The following KIRREL3 variants were observed in gnomAD, a reference collection of about 807,000 sequenced individuals.
The protein encoded by KIRREL3 is kin of IRRE-like protein 3.
KIRREL3 carries 36 observed loss-of-function variants against 89.7 expected under a neutral mutation model. The observed-to-expected ratio is 0.40, with a 90% CI of 0.31 to 0.53. The LOEUF is 0.53. Ranked by LOEUF, KIRREL3 falls within the 20% of genes least tolerant of loss-of-function variation. The probability of loss-of-function intolerance (pLI) is 0.49; values close to 1 mark genes in which losing one functional copy is unlikely to be tolerated. For synonymous variants in KIRREL3, 445 were observed against 441.4 expected (o/e 1.01, Z -0.10); for missense variants, 864 against 1,056.6 (o/e 0.82, Z 2.53).
intron 1 of KIRREL3, among the ~76,000 whole-genome samples, chr11:126,699,167 G>A (rs1472969566): frequency 1.3e-5 from 2 of 152,172 alleles, no homozygotes; most frequent in Non-Finnish European, 2.9e-5. Context: ...TGGGTGCCAC[G>A]AGGTGTGACC....
chr11:126,424,129 C>T lies in KIRREL3; in HGVS notation c.*451G>A, dbSNP rs891978833. The T allele has an allele frequency of 1.0e-5, 2 of 193,878 alleles. No homozygotes were observed. The highest frequency in any genetic ancestry group is 2.2e-5 in the Non-Finnish European group (2 of 92,324). 12.0% of individuals were successfully genotyped at this position (193,878 alleles called of 1,614,324 possible). A position where few individuals can be genotyped will look rare whatever the true frequency, so the allele number is the denominator to read the frequency against. ...GGGCAGCTCAGTGCTGGGAAGACGT[C>T]ATCCCCTTCTCCCCAGGGCTGTATG... On this transcript the variant is annotated 3_prime_UTR_variant, in exon 17 of 17. Transcript: ENST00000525144.
In KIRREL3 at chr11:126,985,782, C is replaced by G. The variant is rs971451462; in HGVS notation, c.55+14673G>C. 6.6e-6 allele frequency among the ~76,000 whole-genome samples: 1 copy of G among 152,154 alleles called. No individual in the cohort carries two copies. Among genetic ancestry groups the G allele is most frequent in the Admixed American group, 6.5e-5 (1 of 15,270 alleles). On this transcript the variant is annotated intron_variant, in intron 1 of 16. Coordinates refer to ENST00000525144, the MANE Select transcript of KIRREL3 (RefSeq NM_032531.4). The surrounding 1 kb of genome is among the most constrained non-coding windows in gnomAD (Gnocchi z 5.3). ...AGAAGATAGCGAACTCTGTGCAAAG[C>G]TGATGATTTGGTTATTGTCACAGCG...
rs150014017 is a variant in KIRREL3, at chr11:126,500,241, G to A, written c.433+21074C>T. On this transcript the variant is annotated intron_variant, in intron 4 of 16. Coordinates refer to ENST00000525144, the MANE Select transcript of KIRREL3 (RefSeq NM_032531.4). ...CAAAGCCACCTGATGTGAGGCTAGC[G>A]TGACTGACTGAGGAGCTGTATTTTT... 3.3e-3 allele frequency among the ~76,000 whole-genome samples: 510 copies of A among 152,288 alleles called. 3 individuals carry two copies. Among genetic ancestry groups the A allele is most frequent in the African/African-American group, 0.011 (445 of 41,534 alleles).
rs1858624675 is a variant in KIRREL3 at position 126,431,176 on chromosome 11, G to A, written c.1696+243C>T. On this transcript the variant is annotated intron_variant, in intron 14 of 16. Coordinates refer to ENST00000525144, the MANE Select transcript of KIRREL3 (RefSeq NM_032531.4). The surrounding 1 kb of genome is among the most constrained non-coding windows in gnomAD (Gnocchi z 7.1). ...GCTATGTGTTCAATCCAAAATGCTG[G>A]CTGCCCTGCAGATGAAGTTCAGTCT... is the stretch of plus-strand genomic sequence containing the variant. The A allele has an allele frequency of 4.1e-6, 6 of 1,453,002 alleles. No individual in the cohort carries two copies. The South Asian group carries it at 7.2e-5, about 17-fold the overall frequency. 90.0% of individuals were successfully genotyped at this position (1,453,002 alleles called of 1,614,324 possible).
chr11:126,806,794 C>G (rs949548500), intron 1 of KIRREL3, among the ~76,000 whole-genome samples: 1 of 152,108 alleles, frequency 6.6e-6, no homozygotes, highest in African/African-American at 2.4e-5. Flanking sequence ...TTTTAAGCCC[C>G]ACATGCATTA....
chr11:126,656,262 G>C lies in KIRREL3; in HGVS notation c.56-93350C>G, dbSNP rs552882090. 4.3e-5 allele frequency: 18 copies of C among 415,854 alleles called. No homozygotes were observed. Among genetic ancestry groups the C allele is most frequent in the African/African-American group, 3.3e-4 (16 of 49,016 alleles). The allele number at this position is 415,854 out of a possible 1,614,324, so 25.8% of individuals were successfully genotyped here. ...GCCGTTCATATCTGTGAGATATCAG[G>C]CTGGTTTCTTAACCATAACCTCCAT... On this transcript the variant is annotated intron_variant, in intron 1 of 16. Coordinates refer to ENST00000525144, the MANE Select transcript of KIRREL3 (RefSeq NM_032531.4). The surrounding 1 kb of genome is among the most constrained non-coding windows in gnomAD (Gnocchi z 4.0).
intron 1 of KIRREL3, among the ~76,000 whole-genome samples, chr11:126,888,564 G>C (rs1945787501): frequency 6.6e-6 from 1 of 152,146 alleles, no homozygotes. Flanking sequence ...ACTTTGCCAA[G>C]TCCCACTTAT....
intron 5 of KIRREL3, 102 bp downstream of exon 5, chr11:126,473,207 T>A: frequency 1.1e-5 from 5 of 469,064 alleles, no homozygotes; most frequent in Non-Finnish European, 8.3e-6. Context: ...AGCCCCCTCC[T>A]TACCTAGCCT....
At position 126,872,265 on chromosome 11, in the gene KIRREL3, A is replaced by G. The variant is rs753179551; in HGVS notation, c.55+128190T>C. On this transcript the variant is annotated intron_variant, in intron 1 of 16. Coordinates refer to ENST00000525144, the MANE Select transcript of KIRREL3 (RefSeq NM_032531.4). The surrounding 1 kb of genome is among the most constrained non-coding windows in gnomAD (Gnocchi z 4.2). ...GGCAATGACCTGAAAATTACCTTGT[A>G]TGGTTCCAGAAACTCCCTGCCCCTT... Among the ~76,000 whole-genome samples the G allele has an allele frequency of 6.6e-6, 1 of 152,222 alleles. No homozygotes were observed. Among genetic ancestry groups the G allele is most frequent in the Non-Finnish European group, 1.5e-5 (1 of 68,032 alleles).
Position 126,940,968 on chromosome 11 carries a change from T to C in KIRREL3, c.55+59487A>G, listed in dbSNP as rs997749467. 3 of 152,204 alleles carry C rather than the reference T, an allele frequency of 2.0e-5. No individual in the cohort carries two copies. The highest frequency in any genetic ancestry group is 4.1e-4 in the South Asian group (2 of 4,828). The allele number at this position is 152,204 out of a possible 1,614,324, so 9.4% of individuals were successfully genotyped here. ...GGGTTACTGTAGATTTGGGTTTTGC[T>C]ATTACTAGTTGTCTCACTTATCCAG... On this transcript the variant is annotated intron_variant, in intron 1 of 16. Transcript: ENST00000525144. This position sits in a 1 kb window ranked among gnomAD's most constrained non-coding sequence, Gnocchi z 4.6.
chr11:126,988,204 T>C (rs573092148), intron 1 of KIRREL3, among the ~76,000 whole-genome samples: 117 of 152,314 alleles, frequency 7.7e-4, no homozygotes, highest in African/African-American at 2.8e-3. Context: ...GAAGGGAAGC[T>C]GGGTGATGAT....
intron 1 of KIRREL3, among the ~76,000 whole-genome samples, chr11:126,638,657 C>A (rs1944356388): frequency 6.6e-6 from 1 of 152,182 alleles, no homozygotes; most frequent in Admixed American, 6.5e-5. Flanking sequence ...CCTCACTTAT[C>A]CTATATGTTC....
chr11:126,893,336 T>G (rs530161888), intron 1 of KIRREL3, among the ~76,000 whole-genome samples: 78 of 152,256 alleles, frequency 5.1e-4, no homozygotes, highest in Non-Finnish European at 7.5e-4. Context: ...GGTTTTACAA[T>G]GTAATATGTG....
intron 1 of KIRREL3, among the ~76,000 whole-genome samples, chr11:126,889,067 A>G (rs1462132313): frequency 6.6e-6 from 1 of 152,238 alleles, no homozygotes; most frequent in African/African-American, 2.4e-5. Flanking sequence ...GATTGCACAC[A>G]ATAAATAACG....
At position 126,870,239 on chromosome 11, in the gene KIRREL3, G is replaced by A. The variant is rs532507554; in HGVS notation, c.55+130216C>T. Among the ~76,000 whole-genome samples the A allele has an allele frequency of 2.0e-5, 3 of 152,284 alleles. No homozygotes were observed. The East Asian group carries it at 5.8e-4, about 29-fold the overall frequency. On this transcript the variant is annotated intron_variant, in intron 1 of 16. Transcript: ENST00000525144. The surrounding 1 kb of genome is among the most constrained non-coding windows in gnomAD (Gnocchi z 4.4). ...TCTGCCCCAGGCTCATATTCTGCCA[G>A]GGACCACACTGAACACCCTCCTCAA... is the stretch of plus-strand genomic sequence containing the variant.
chr11:126,949,080 A>G (rs1948702726), intron 1 of KIRREL3, among the ~76,000 whole-genome samples: 1 of 152,220 alleles, frequency 6.6e-6, no homozygotes, highest in Admixed American at 6.5e-5. Context: ...TCTCCTGACT[A>G]ATGGACATTG....
chr11:126,662,269 A>C (rs1945439982), intron 1 of KIRREL3, among the ~76,000 whole-genome samples: 1 of 152,200 alleles, frequency 6.6e-6, no homozygotes, highest in African/African-American at 2.4e-5. Context: ...TAACAATTGT[A>C]AATGACTTTG....
At chr11:126,777,513 G>C (rs1366635892) in intron 1 of KIRREL3, among the ~76,000 whole-genome samples, 1 of 152,192 alleles carries the variant, frequency 6.6e-6, no homozygotes, top group African/African-American at 2.4e-5. Context: ...TTAGTTAAAA[G>C]GCCAGAGCAG....
chr11:126,528,070 C>T lies in KIRREL3; in HGVS notation c.134-1383G>A, dbSNP rs181359799. On this transcript the variant is annotated intron_variant, in intron 2 of 16. Transcript: ENST00000525144. The surrounding 1 kb of genome is among the most constrained non-coding windows in gnomAD (Gnocchi z 4.6). ...AGGATCAGAGAGGCACAGTAACCTGCCCAAGGTCACGCAGCTAATGAGTGT... is the reference window on the plus strand; with the variant it reads ...AGGATCAGAGAGGCACAGTAACCTGTCCAAGGTCACGCAGCTAATGAGTGT... Among the ~76,000 whole-genome samples, 18 of 152,336 alleles carry T rather than the reference C, an allele frequency of 1.2e-4. No individual in the cohort carries two copies. The highest frequency in any genetic ancestry group is 2.4e-5 in the African/African-American group (1 of 41,570).
Sources: gnomAD v4.1 joint callset for allele counts (sites outside exome capture counted in the v4.1 genomes callset) on GRCh38, gnomAD v4.1.1 for gene constraint, Gnocchi (gnomAD v3.1) non-coding constraint, MANE v1.5 for transcripts, NCBI Gene and HGNC (gene_info 2026-07-23, HGNC 2026-07-21) for gene names.